LAMP3: variants seen among roughly 807,000 people sequenced by gnomAD.
LAMP3 encodes lysosome associated membrane protein 3.
A neutral mutation model predicts 34.8 loss-of-function variants in LAMP3; 26 were observed. The observed-to-expected ratio is 0.75, with a 90% CI of 0.55 to 1.04. The LOEUF is 1.04. LAMP3 is among the 50% of genes least tolerant of loss of function. The probability of loss-of-function intolerance (pLI) is 0.00; values close to 1 mark genes in which losing one functional copy is unlikely to be tolerated. For synonymous variants in LAMP3, 180 were observed against 201.9 expected (o/e 0.89, Z 0.92); for missense variants, 495 against 524.0 (o/e 0.94, Z 0.54).
Position 183,122,260 on chromosome 3 carries a change from T to A in LAMP3, c.*1821A>T, listed in dbSNP as rs989969190. On this transcript the variant is annotated 3_prime_UTR_variant, in exon 6 of 6. Transcript: ENST00000265598. The stretch of plus-strand genomic sequence containing the variant: ...CAAAAACCTTTACTACAATTCAATG[T>A]TTTATTAAGACTAAAGTCAGGACCT... 6.6e-6 allele frequency: 1 copy of A among 152,194 alleles called. No individual in the cohort carries two copies. 9.4% of individuals were successfully genotyped at this position (152,194 alleles called of 1,614,324 possible). A position where few individuals can be genotyped will look rare whatever the true frequency, so the allele number is the denominator to read the frequency against.
At chr3:183,152,554 G>A (rs368383501) in intron 2 of LAMP3, 51 bp from the exon 3 acceptor site, 1 of 1,534,260 alleles carries the variant, frequency 6.5e-7, no homozygotes, top group Non-Finnish European at 8.8e-7. Context: ...GAAAACTCTA[G>A]CTAGGGAACC....
chr3:183,122,747 C>T lies in LAMP3; in HGVS notation c.*1334G>A, dbSNP rs1007620353. ...TAAGGATAGGCTATTTTGTTATCTG[C>T]AAAGCTCTCCTTTCATCTACCCTAA... On this transcript the variant is annotated 3_prime_UTR_variant, in exon 6 of 6. Transcript: ENST00000265598. 6.6e-6 allele frequency: 1 copy of T among 152,200 alleles called. No homozygotes were observed. Among genetic ancestry groups the T allele is most frequent in the Non-Finnish European group, 1.5e-5 (1 of 68,038 alleles). The allele number at this position is 152,200 out of a possible 1,614,324, so 9.4% of individuals were successfully genotyped here.
chr3:183,134,311 T>C (rs1468319084), intron 5 of LAMP3, among the ~76,000 whole-genome samples: 1 of 46,870 alleles, frequency 2.1e-5, no homozygotes, highest in Non-Finnish European at 5.2e-5. Context: ...CAGTTAATGA[T>C]GGTTTTAAGA....
intron 5 of LAMP3, chr3:183,132,634 G>A (rs1387256416): frequency 2.7e-5 from 27 of 985,418 alleles, no homozygotes; most frequent in Non-Finnish European, 3.3e-5. Flanking sequence ...AAAGCAACAG[G>A]AGGAAGTAGG....
chr3:183,156,586 A>G (rs1236357745), intron 1 of LAMP3, among the ~76,000 whole-genome samples: 1 of 152,172 alleles, frequency 6.6e-6, no homozygotes, highest in East Asian at 1.9e-4. Flanking sequence ...AATAATTCAT[A>G]TATGCCTTTT....
chr3:183,124,350 G>C, intron 5 of LAMP3, 136 bp from the exon 6 acceptor site: 1 of 695,420 alleles, frequency 1.4e-6, no homozygotes, highest in Non-Finnish European at 2.2e-6. Flanking sequence ...CTAGCTTTGT[G>C]ACCTTGGGCA....
intron 5 of LAMP3, chr3:183,132,607 C>A: frequency 1.0e-6 from 1 of 985,382 alleles, no homozygotes; most frequent in Non-Finnish European, 1.2e-6. Context: ...ATCAAGCACA[C>A]CTGGCATGGC....
intron 1 of LAMP3, among the ~76,000 whole-genome samples, chr3:183,161,260 G>A (rs1056339847): frequency 2.0e-5 from 3 of 152,164 alleles, no homozygotes; most frequent in Non-Finnish European, 4.4e-5. Context: ...CTCCACCTCT[G>A]AGGAAGAAAC....
chr3:183,162,125 CATAAA>C (rs1023012512), intron 1 of LAMP3: 1 of 206,410 alleles, frequency 4.8e-6, no homozygotes, highest in African/African-American at 2.4e-5. Context: ...AGGGTCGGAT[CATAAA>C]ATAATCATAA....
intron 3 of LAMP3, among the ~76,000 whole-genome samples, chr3:183,148,942 G>A (rs529296298): frequency 1.4e-4 from 22 of 152,144 alleles, no homozygotes; most frequent in African/African-American, 5.1e-4. Flanking sequence ...GGCAACCCAA[G>A]TGGCCATCAA....
chr3:183,132,868 G>C, intron 5 of LAMP3: 2 of 985,426 alleles, frequency 2.0e-6, no homozygotes, highest in South Asian at 9.4e-5. Flanking sequence ...CCAGACATGC[G>C]GTTAGCAAAA....
At chr3:183,163,290 CTTTTGTTTTG>C (rs142758488), upstream of LAMP3, among the ~76,000 whole-genome samples, 15,862 of 146,390 alleles carry the variant, frequency 0.11, 934 homozygotes, top group Middle Eastern at 0.18. Flanking sequence ...CTTTTTATTT[CTTTTGTTTTG>C]TTTTGTTTTG....
At chr3:183,138,341 C>A (rs528999) in intron 4 of LAMP3, among the ~76,000 whole-genome samples, 136,215 of 152,252 alleles carry the variant, frequency 0.89, 61,157 homozygotes, top group Middle Eastern at 0.94. Context: ...GAACATATCA[C>A]TACAATGTAG....
intron 4 of LAMP3, 28 bp downstream of exon 4, chr3:183,140,510 G>C (rs776511221): frequency 7.0e-7 from 1 of 1,429,546 alleles, no homozygotes; most frequent in Non-Finnish European, 9.9e-7. Context: ...GTCATGGCTG[G>C]TCGAATGGGC....
chr3:183,160,885 G>A (rs71314285), intron 1 of LAMP3: 11,127 of 152,200 alleles, frequency 0.073, 462 homozygotes, highest in Middle Eastern at 0.13. Flanking sequence ...AAAGCACTGC[G>A]AACAGTGCCT....
intron 5 of LAMP3, among the ~76,000 whole-genome samples, chr3:183,124,635 C>A (rs567699952): frequency 1.2e-4 from 19 of 152,224 alleles, no homozygotes; most frequent in African/African-American, 3.9e-4. Context: ...GAGTTTGAGA[C>A]CAGCCTGACC....
chr3:183,162,944 T>A, upstream of LAMP3: 1 of 430,694 alleles, frequency 2.3e-6, no homozygotes, highest in Non-Finnish European at 4.1e-6. Context: ...GCTCATACCC[T>A]GGGTCTCCTC....
At chr3:183,130,714 G>A (rs892609536) in intron 5 of LAMP3, among the ~76,000 whole-genome samples, 10 of 152,136 alleles carry the variant, frequency 6.6e-5, no homozygotes, top group South Asian at 2.1e-4. Context: ...AGCCTGGAGC[G>A]ATCGTCTGCT....
At chr3:183,161,918 C>A in intron 1 of LAMP3, 1 of 981,538 alleles carries the variant, frequency 1.0e-6, no homozygotes, top group South Asian at 4.7e-5. Context: ...CGACCCTTCT[C>A]ACCTCTTCCC....
Sources: gnomAD v4.1 joint callset for allele counts (sites outside exome capture counted in the v4.1 genomes callset) on GRCh38, gnomAD v4.1.1 for gene constraint, MANE v1.5 for transcripts, NCBI Gene and HGNC (gene_info 2026-07-23, HGNC 2026-07-21) for gene names.